BRD10: variants seen among roughly 807,000 people sequenced by gnomAD.
BRD10 encodes bromodomain containing 10.
At chr9:5,982,025 T>C in the BRD10 span, among the ~76,000 whole-genome samples, 2 of 150,650 alleles carry the variant, frequency 1.3e-5, no homozygotes, top group Admixed American at 6.7e-5. Flanking sequence ...CAAAAACCTA[T>C]TGAAATTTTA....
chr9:5,916,854 G>A, the BRD10 span, among the ~76,000 whole-genome samples: 1 of 151,946 alleles, frequency 6.6e-6, no homozygotes, highest in Non-Finnish European at 1.5e-5. Context: ...CTTTATAGAC[G>A]CCCTTTACAG....
At chr9:5,944,930 C>T in the BRD10 span, 1 of 1,541,378 alleles carries the variant, frequency 6.5e-7, no homozygotes, top group African/African-American at 1.4e-5. Flanking sequence ...GTGATTAATT[C>T]CCTGAGTTCA....
chr9:5,914,016 G>A, the BRD10 span: 3 of 452,994 alleles, frequency 6.6e-6, 1 homozygote, highest in South Asian at 1.6e-5. Flanking sequence ...GAGAAAAAAT[G>A]CTCAAGAAAG....
At chr9:5,947,373 A>G in the BRD10 span, among the ~76,000 whole-genome samples, 1 of 152,136 alleles carries the variant, frequency 6.6e-6, no homozygotes. Context: ...TTATAAATCA[A>G]CATGGCTACT....
the BRD10 span, among the ~76,000 whole-genome samples, chr9:5,917,724 A>C: frequency 2.0e-5 from 3 of 152,290 alleles, no homozygotes; most frequent in Middle Eastern, 3.4e-3. Flanking sequence ...ATGGTGGTGC[A>C]CACCTGTAAT....
At chr9:5,954,791 A>AT in the BRD10 span, among the ~76,000 whole-genome samples, 3 of 152,190 alleles carry the variant, frequency 2.0e-5, no homozygotes, top group Non-Finnish European at 4.4e-5. Context: ...ACATACATGC[A>AT]TAAAAATTCT....
At chr9:5,967,194 T>G in the BRD10 span, among the ~76,000 whole-genome samples, 4 of 151,044 alleles carry the variant, frequency 2.6e-5, no homozygotes, top group African/African-American at 9.7e-5. Context: ...AATTCCACCT[T>G]TTTTTTTTCC....
chr9:5,989,204 C>A, the BRD10 span, among the ~76,000 whole-genome samples: 1 of 143,992 alleles, frequency 6.9e-6, no homozygotes, highest in Admixed American at 7.1e-5. Context: ...TGCACTCCAG[C>A]CTGGGCAACA....
the BRD10 span, among the ~76,000 whole-genome samples, chr9:5,985,944 T>G: frequency 6.6e-6 from 1 of 152,124 alleles, no homozygotes; most frequent in African/African-American, 2.4e-5. Context: ...ATTGTTGGGT[T>G]GTGGGCACAT....
the BRD10 span, among the ~76,000 whole-genome samples, chr9:5,880,470 C>T: frequency 3.4e-5 from 3 of 87,956 alleles, no homozygotes; most frequent in East Asian, 2.8e-4. Flanking sequence ...GCTGAGATCC[C>T]GCCACTGCAC....
chr9:5,921,563 G>A, the BRD10 span: 1 of 1,613,772 alleles, frequency 6.2e-7, no homozygotes, highest in African/African-American at 1.3e-5. Flanking sequence ...AATAGATGGA[G>A]CTGATACCAG....
the BRD10 span, among the ~76,000 whole-genome samples, chr9:5,951,252 T>TA: frequency 1.3e-5 from 2 of 151,434 alleles, no homozygotes; most frequent in Non-Finnish European, 2.9e-5. Context: ...GTTCTAGCTT[T>TA]AAAAAAAGTC....
the BRD10 span, among the ~76,000 whole-genome samples, chr9:5,963,737 C>T: frequency 6.6e-6 from 1 of 152,042 alleles, no homozygotes; most frequent in Non-Finnish European, 1.5e-5. Context: ...ACAGAGCCCT[C>T]AGAAATAATG....
At chr9:5,959,785 C>T in the BRD10 span, among the ~76,000 whole-genome samples, 7 of 152,120 alleles carry the variant, frequency 4.6e-5, no homozygotes, top group Non-Finnish European at 1.0e-4. Context: ...TTACTTTTTA[C>T]ACATCTGATA....
At chr9:5,960,445 C>G in the BRD10 span, among the ~76,000 whole-genome samples, 2 of 151,824 alleles carry the variant, frequency 1.3e-5, no homozygotes, top group Non-Finnish European at 2.9e-5. Flanking sequence ...GCCTGTAGTC[C>G]CAGCTACTTG....
At chr9:5,902,921 T>G in the BRD10 span, among the ~76,000 whole-genome samples, 2 of 152,244 alleles carry the variant, frequency 1.3e-5, no homozygotes, top group Non-Finnish European at 2.9e-5. Context: ...GATGACTGAT[T>G]TTAGATCTTT....
the BRD10 span, among the ~76,000 whole-genome samples, chr9:5,971,790 G>C: frequency 6.6e-6 from 1 of 152,038 alleles, no homozygotes; most frequent in African/African-American, 2.4e-5. Flanking sequence ...TCTGTACAGA[G>C]CTAGGACTCC....
the BRD10 span, chr9:5,954,129 C>G: frequency 8.6e-7 from 1 of 1,164,368 alleles, no homozygotes; most frequent in Non-Finnish European, 1.2e-6. Context: ...CTTCATAATG[C>G]TGTTTATAGC....
chr9:5,920,740 C>T, the BRD10 span: 3 of 1,613,772 alleles, frequency 1.9e-6, no homozygotes, highest in South Asian at 2.2e-5. Context: ...GGGATGTAGT[C>T]GCAGGTGTAG....
Sources: gnomAD v4.1 joint callset for allele counts (sites outside exome capture counted in the v4.1 genomes callset) on GRCh38, gnomAD v4.1.1 for gene constraint, MANE v1.5 for transcripts, NCBI Gene and HGNC (gene_info 2026-07-23, HGNC 2026-07-21) for gene names.